Variants in LINGO2 observed in about 807,000 individuals in gnomAD.
LINGO2 encodes the protein leucine rich repeat and Ig domain containing 2, also known as leucine-rich repeat and immunoglobulin-like domain-containing nogo receptor-interacting protein 2.
LINGO2 carries 14 observed loss-of-function variants against 30.6 expected under a neutral mutation model. The ratio of observed to expected loss-of-function variants is 0.46; its 90% CI spans 0.30 to 0.72. The LOEUF is 0.72. LINGO2 is among the 30% of genes least tolerant of loss of function. LINGO2 has a pLI of 0.07. For missense variants in LINGO2, 729 were observed against 751.7 expected, an observed-to-expected ratio of 0.97 and a Z score of 0.35; for synonymous variants, 317 against 288.5, an observed-to-expected ratio of 1.10 and a Z score of -1.00.
chr9:28,146,636 G>A (rs916563822), intron 4 of LINGO2, among the ~76,000 whole-genome samples: 2 of 151,870 alleles, frequency 1.3e-5, no homozygotes, highest in African/African-American at 4.8e-5. Context: ...ATAACAAGAT[G>A]TAGAGTGCCC....
the LINGO2 span, among the ~76,000 whole-genome samples, chr9:29,132,751 G>A: frequency 1.2e-4 from 19 of 152,216 alleles, no homozygotes; most frequent in Admixed American, 4.6e-4. Context: ...CAATCCACCC[G>A]TAACACTTGC....
Position 28,603,579 on chromosome 9 carries a change from T to A in LINGO2, c.-365+66621A>T, listed in dbSNP as rs56086559. On this transcript the variant is annotated intron_variant, in intron 1 of 5. Transcript: ENST00000379992. ...CAATATTTTTAAAAGATACAATTTA[T>A]ATTGCCATATTTGTGAGGCACCTGA... 8.9e-3 allele frequency among the ~76,000 whole-genome samples: 1,355 copies of A among 152,170 alleles called. 20 individuals are homozygous for A. Among genetic ancestry groups the A allele is most frequent in the African/African-American group, 0.029 (1,188 of 41,542 alleles).
chr9:28,730,859 T>C, the LINGO2 span, among the ~76,000 whole-genome samples: 1 of 152,056 alleles, frequency 6.6e-6, no homozygotes, highest in South Asian at 2.1e-4. Flanking sequence ...CTGGAGTGAA[T>C]TTAGAGAAAC....
chr9:28,925,096 A>G, the LINGO2 span, among the ~76,000 whole-genome samples: 1 of 152,184 alleles, frequency 6.6e-6, no homozygotes. Context: ...ATCATCCCAC[A>G]TTGTAAACAT....
At chr9:28,003,382 G>C (rs186693024) in intron 5 of LINGO2, among the ~76,000 whole-genome samples, 1 of 137,006 alleles carries the variant, frequency 7.3e-6, no homozygotes, top group African/African-American at 2.8e-5. Context: ...TAGATAGATA[G>C]ATATAGAGAG....
At chr9:28,725,868 T>C in the LINGO2 span, among the ~76,000 whole-genome samples, 1 of 152,096 alleles carries the variant, frequency 6.6e-6, no homozygotes, top group Non-Finnish European at 1.5e-5. Flanking sequence ...TGTGCATGTA[T>C]ATGAGCTATT....
At chr9:28,500,664 T>G (rs1406012581) in intron 1 of LINGO2, among the ~76,000 whole-genome samples, 1 of 152,068 alleles carries the variant, frequency 6.6e-6, no homozygotes, top group Non-Finnish European at 1.5e-5. Flanking sequence ...TGTTTCAATA[T>G]TCATCTGATA....
At chr9:28,019,316 T>C (rs1443079060) in intron 4 of LINGO2, among the ~76,000 whole-genome samples, 1 of 8,344 alleles carries the variant, frequency 1.2e-4, no homozygotes, top group African/African-American at 4.4e-4. Context: ...TAGGGGAATA[T>C]ATGTTTTTTT....
chr9:28,519,385 T>C (rs16913272), intron 1 of LINGO2, among the ~76,000 whole-genome samples: 15,351 of 152,136 alleles, frequency 0.1, 1,790 homozygotes, highest in African/African-American at 0.28. Flanking sequence ...CTTAAATAAG[T>C]TGTTCAGGTA....
intron 3 of LINGO2, among the ~76,000 whole-genome samples, chr9:28,369,390 A>T (rs1820811838): frequency 6.6e-6 from 1 of 152,122 alleles, no homozygotes; most frequent in Non-Finnish European, 1.5e-5. Flanking sequence ...GTAGAGATAA[A>T]AGCTCACACC....
chr9:28,881,370 C>A, the LINGO2 span, among the ~76,000 whole-genome samples: 1 of 152,018 alleles, frequency 6.6e-6, no homozygotes, highest in Non-Finnish European at 1.5e-5. Flanking sequence ...GTGATCCACC[C>A]GCCTCAGCCT....
chr9:29,187,773 C>T, the LINGO2 span, among the ~76,000 whole-genome samples: 1 of 137,704 alleles, frequency 7.3e-6, no homozygotes, highest in African/African-American at 2.6e-5. Context: ...GGAAAGTATA[C>T]ATTTCAATTT....
chr9:28,338,586 T>C (rs1189492351), intron 3 of LINGO2, among the ~76,000 whole-genome samples: 1 of 152,144 alleles, frequency 6.6e-6, no homozygotes, highest in Non-Finnish European at 1.5e-5. Flanking sequence ...GTTCCTATAA[T>C]TCCCCCATGT....
At chr9:28,742,268 C>T in the LINGO2 span, among the ~76,000 whole-genome samples, 1 of 20,158 alleles carries the variant, frequency 5.0e-5, no homozygotes, top group Non-Finnish European at 1.7e-4. Context: ...CCTACTCTGC[C>T]TTTTTTTTTT....
At chr9:29,082,815 A>G in the LINGO2 span, among the ~76,000 whole-genome samples, 62 of 152,332 alleles carry the variant, frequency 4.1e-4, 1 homozygote, top group South Asian at 0.01. Context: ...TTATGCAGCC[A>G]ACAGATACAT....
At chr9:28,690,009 G>C in the LINGO2 span, among the ~76,000 whole-genome samples, 3 of 152,100 alleles carry the variant, frequency 2.0e-5, no homozygotes, top group African/African-American at 7.2e-5. Flanking sequence ...CTTATAAGTG[G>C]GAGCTGAATG....
the LINGO2 span, among the ~76,000 whole-genome samples, chr9:29,210,575 C>A: frequency 1.3e-5 from 2 of 152,108 alleles, no homozygotes. Context: ...CCACACAGAG[C>A]ATCATCCACT....
At chr9:28,229,513 A>T (rs1004260761) in intron 4 of LINGO2, among the ~76,000 whole-genome samples, 2 of 151,804 alleles carry the variant, frequency 1.3e-5, no homozygotes, top group African/African-American at 4.8e-5. Context: ...CCTCCCTATC[A>T]TCAGAAATGG....
intron 2 of LINGO2, among the ~76,000 whole-genome samples, chr9:28,422,654 A>C (rs1823247173): frequency 6.6e-6 from 1 of 152,110 alleles, no homozygotes; most frequent in African/African-American, 2.4e-5. Context: ...CACGTGATCT[A>C]GCAATTCTAC....
Sources: gnomAD v4.1 joint callset for allele counts (sites outside exome capture counted in the v4.1 genomes callset) on GRCh38, gnomAD v4.1.1 for gene constraint, MANE v1.5 for transcripts, NCBI Gene and HGNC (gene_info 2026-07-23, HGNC 2026-07-21) for gene names.